Variants in PTPRT observed in about 807,000 individuals in gnomAD.
PTPRT encodes protein tyrosine phosphatase receptor type T, also known as receptor-type tyrosine-protein phosphatase T.
In PTPRT, 56 loss-of-function variants were observed where a neutral mutation model predicts 176.8. The observed-to-expected ratio is 0.32, with a 90% CI of 0.26 to 0.40. The LOEUF is 0.40. Among genes scored for constraint, PTPRT ranks in the 10% least tolerant of loss-of-function variants. The probability of loss-of-function intolerance (pLI) is 1.00; values close to 1 mark genes in which losing one functional copy is unlikely to be tolerated. For missense variants in PTPRT, 1,540 were observed against 1,908.2 expected (o/e 0.81, Z 3.60); for synonymous variants, 783 against 739.0 (o/e 1.06, Z -0.96).
At chr20:42,844,437 T>C (rs1237005620) in intron 2 of PTPRT, among the ~76,000 whole-genome samples, 1 of 152,234 alleles carries the variant, frequency 6.6e-6, no homozygotes, top group African/African-American at 2.4e-5. Context: ...GGGTCCTTTC[T>C]ATGAGAGTCA....
At chr20:42,494,798 T>C (rs2071624017) in intron 7 of PTPRT, among the ~76,000 whole-genome samples, 1 of 152,174 alleles carries the variant, frequency 6.6e-6, no homozygotes, top group African/African-American at 2.4e-5. Flanking sequence ...GATGAATGGA[T>C]GGATGAATAG....
chr20:42,654,805 G>C (rs2075095427), intron 7 of PTPRT, among the ~76,000 whole-genome samples: 1 of 152,160 alleles, frequency 6.6e-6, no homozygotes, highest in Admixed American at 6.5e-5. Context: ...AGTGAGATGA[G>C]AGTTTAAATC....
At chr20:42,562,784 C>A (rs1315738112) in intron 7 of PTPRT, among the ~76,000 whole-genome samples, 3 of 152,206 alleles carry the variant, frequency 2.0e-5, no homozygotes, top group Non-Finnish European at 4.4e-5. Context: ...GGCTAAACAT[C>A]TCCTCCAGGG....
intron 2 of PTPRT, among the ~76,000 whole-genome samples, chr20:42,818,549 T>C (rs1277917165): frequency 6.6e-6 from 1 of 152,130 alleles, no homozygotes; most frequent in Non-Finnish European, 1.5e-5. Context: ...GACAGATGAA[T>C]TGACAGAAGT....
In PTPRT at chr20:42,767,977, TACACACACACACACACACAC is replaced by T. The variant is rs35599788; in HGVS notation, c.684+3438_684+3457del. 1.8e-3 allele frequency among the ~76,000 whole-genome samples: 224 copies of T among 125,252 alleles called. 1 individual carries two copies. Among genetic ancestry groups the T allele is most frequent in the South Asian group, 0.013 (47 of 3,566 alleles). The allele number at this position is 125,252 out of a possible 152,430, so 82.2% of individuals were successfully genotyped here. A position where few individuals can be genotyped will look rare whatever the true frequency, so the allele number is the denominator to read the frequency against. Reference sequence around the variant, plus strand: ...TTATATATGAAAATATATAAAATTATACACACACACACACACACACACACACACACACACACACACACACA... The same window carrying T: ...TTATATATGAAAATATATAAAATTATACACACACACACACACACACACACA... On this transcript the variant is annotated intron_variant, in intron 5 of 30. Transcript: ENST00000373187.
chr20:42,844,592 T>G (rs546301934), intron 2 of PTPRT, among the ~76,000 whole-genome samples: 1 of 152,190 alleles, frequency 6.6e-6, no homozygotes, highest in Admixed American at 6.5e-5. Flanking sequence ...TGGCTGGGGC[T>G]CTCAGAGGGA....
At chr20:42,042,663 T>C in the PTPRT span, among the ~76,000 whole-genome samples, 586 of 152,372 alleles carry the variant, frequency 3.8e-3, 7 homozygotes, top group African/African-American at 0.013. Context: ...GTCAAATGTT[T>C]CTTCATATGT....
At chr20:42,258,118 A>T (rs543169479) in intron 13 of PTPRT, among the ~76,000 whole-genome samples, 1 of 152,292 alleles carries the variant, frequency 6.6e-6, no homozygotes, top group East Asian at 1.9e-4. Flanking sequence ...ACGTATTTAG[A>T]TCTAGAATCT....
chr20:42,835,681 A>G (rs2078169461), intron 2 of PTPRT, among the ~76,000 whole-genome samples: 1 of 152,204 alleles, frequency 6.6e-6, no homozygotes, highest in South Asian at 2.1e-4. Flanking sequence ...ATGATACCAA[A>G]TTATTAACAA....
At chr20:42,803,177 G>A (rs2077555417) in intron 2 of PTPRT, among the ~76,000 whole-genome samples, 1 of 152,224 alleles carries the variant, frequency 6.6e-6, no homozygotes, top group Admixed American at 6.5e-5. Context: ...CCATGCTGTT[G>A]ACAACAAGGA....
intron 1 of PTPRT, among the ~76,000 whole-genome samples, chr20:43,010,165 C>T (rs1985045129): frequency 6.6e-6 from 1 of 152,140 alleles, no homozygotes; most frequent in Non-Finnish European, 1.5e-5. Context: ...ATGTCGTGAA[C>T]TCTTCCCACA....
chr20:42,071,482 C>T (rs1008156322), downstream of PTPRT, among the ~76,000 whole-genome samples: 13 of 152,106 alleles, frequency 8.5e-5, no homozygotes, highest in African/African-American at 2.7e-4. Context: ...ACTTGCTGAA[C>T]ATATAGAATC....
rs532651846 is a variant in PTPRT at position 42,746,176 on chromosome 20, C to G, written c.859+10286G>C. 3.4e-4 allele frequency among the ~76,000 whole-genome samples: 51 copies of G among 152,100 alleles called. 1 individual carries two copies. The highest frequency in any genetic ancestry group is 5.7e-4 in the Non-Finnish European group (39 of 68,014). ...CAATACTTATCAGGTTTTATTTATC[C>G]ACATTTACACTTTTTTAAAAATAAG... On this transcript the variant is annotated intron_variant, in intron 6 of 30. Coordinates refer to ENST00000373187, the MANE Select transcript of PTPRT (RefSeq NM_007050.6).
At chr20:43,113,617 A>G (rs987816804) in intron 1 of PTPRT, among the ~76,000 whole-genome samples, 10 of 152,168 alleles carry the variant, frequency 6.6e-5, no homozygotes, top group Admixed American at 2.0e-4. Flanking sequence ...TGGATGAGGT[A>G]TGGGAGGACC....
Position 42,766,689 on chromosome 20 carries a change from ATC to A in PTPRT, c.684+4744_684+4745del, listed in dbSNP as rs1458731140. Among the ~76,000 whole-genome samples, 8 of 152,230 alleles carry A rather than the reference ATC, an allele frequency of 5.3e-5. 1 individual carries two copies. ...TTCACCACACAGGCAACAGGGATTT[ATC>A]TCAAACTATGAATCCACTGGCTCCT... On this transcript the variant is annotated intron_variant, in intron 5 of 30. Transcript: ENST00000373187.
chr20:42,493,510 G>A (rs977989282), intron 7 of PTPRT, among the ~76,000 whole-genome samples: 4 of 152,100 alleles, frequency 2.6e-5, no homozygotes, highest in African/African-American at 7.2e-5. Context: ...TAAAGTAGGT[G>A]TTGAAAACTT....
chr20:42,394,042 CT>C (rs200838113), intron 9 of PTPRT, among the ~76,000 whole-genome samples: 4,862 of 138,320 alleles, frequency 0.035, 212 homozygotes, highest in African/African-American at 0.11. Flanking sequence ...TGTGACAGGT[CT>C]TTTTTTTTTT....
At chr20:42,270,363 T>TGGC in intron 13 of PTPRT, 17 of 1,332,690 alleles carry the variant, frequency 1.3e-5, no homozygotes, top group Non-Finnish European at 1.8e-5. Context: ...TGGGCAACTC[T>TGGC]CCCCTCCCAC....
chr20:42,054,029 A>T, the PTPRT span, among the ~76,000 whole-genome samples: 1 of 152,156 alleles, frequency 6.6e-6, no homozygotes, highest in Non-Finnish European at 1.5e-5. Context: ...AACATAGTGA[A>T]GGTCACTAGA....
Sources: gnomAD v4.1 joint callset for allele counts (sites outside exome capture counted in the v4.1 genomes callset) on GRCh38, gnomAD v4.1.1 for gene constraint, MANE v1.5 for transcripts, NCBI Gene and HGNC (gene_info 2026-07-23, HGNC 2026-07-21) for gene names.